FOXP2: variants seen among roughly 807,000 people sequenced by gnomAD.
FOXP2 encodes the protein forkhead box protein P2.
Under a neutral mutation model 115.8 loss-of-function variants are expected in FOXP2, and 12 were observed. The ratio of observed to expected loss-of-function variants is 0.10; its 90% CI spans 0.07 to 0.17. The LOEUF is 0.17. Ranked by LOEUF, FOXP2 falls within the 10% of genes least tolerant of loss-of-function variation. The pLI is 1.00. For missense variants in FOXP2, 629 were observed against 843.5 expected (o/e 0.75, Z 3.15); for synonymous variants, 328 against 297.7 (o/e 1.10, Z -1.05).
intron 1 of FOXP2, among the ~76,000 whole-genome samples, chr7:114,107,931 A>C (rs754847475): frequency 4.6e-5 from 7 of 151,946 alleles, no homozygotes; most frequent in Non-Finnish European, 8.8e-5. Context: ...AAAATTTTAA[A>C]GTCAATATAT....
intron 2 of FOXP2, among the ~76,000 whole-genome samples, chr7:114,296,215 AG>A (rs1272760580): frequency 6.6e-6 from 1 of 152,110 alleles, no homozygotes; most frequent in Non-Finnish European, 1.5e-5. Context: ...TCTCCAAGAG[AG>A]TAATATGAAT....
rs113445966 is a variant in FOXP2, at chr7:114,172,481, G to A, written c.-102+9393G>A. ...TCCATAGGCCTGTACAAAACAAAGAGTGAATCCTGGTATAAACTCTGGACT... is the reference window on the plus strand; with the variant it reads ...TCCATAGGCCTGTACAAAACAAAGAATGAATCCTGGTATAAACTCTGGACT... On this transcript the variant is annotated intron_variant, in intron 1 of 17. Coordinates refer to the FOXP2 transcript ENST00000634411. 9.6e-3 allele frequency among the ~76,000 whole-genome samples: 1,458 copies of A among 152,256 alleles called. 32 individuals carry two copies. Among genetic ancestry groups the A allele is most frequent in the African/African-American group, 0.033 (1,386 of 41,550 alleles).
chr7:114,562,347 T>G (rs1182090709), intron 3 of FOXP2, among the ~76,000 whole-genome samples: 1 of 152,164 alleles, frequency 6.6e-6, no homozygotes, highest in African/African-American at 2.4e-5. Context: ...TTACTCTGCC[T>G]CTCTCCCTGC....
chr7:114,365,835 C>G (rs935219449), intron 2 of FOXP2, among the ~76,000 whole-genome samples: 6 of 152,204 alleles, frequency 3.9e-5, no homozygotes, highest in Non-Finnish European at 8.8e-5. Context: ...AATTACATCT[C>G]TACCATCTAT....
intron 2 of FOXP2, among the ~76,000 whole-genome samples, chr7:114,477,809 T>A (rs1406064548): frequency 6.6e-6 from 1 of 151,934 alleles, no homozygotes; most frequent in Non-Finnish European, 1.5e-5. Flanking sequence ...TAATTTCAGA[T>A]AAATGTTTAT....
At chr7:114,555,952 C>G (rs80098799) in intron 3 of FOXP2, among the ~76,000 whole-genome samples, 1,667 of 152,256 alleles carry the variant, frequency 0.011, 28 homozygotes, top group African/African-American at 0.038. Context: ...TCTATACCTC[C>G]CTCATCTCTA....
chr7:114,277,736 G>C (rs1312862485), intron 1 of FOXP2, among the ~76,000 whole-genome samples: 1 of 151,884 alleles, frequency 6.6e-6, no homozygotes, highest in Non-Finnish European at 1.5e-5. Context: ...ACTGTATGTT[G>C]CTGAAGAAGT....
At chr7:114,180,061 G>T (rs1332402881) in intron 1 of FOXP2, among the ~76,000 whole-genome samples, 1 of 151,940 alleles carries the variant, frequency 6.6e-6, no homozygotes, top group Admixed American at 6.6e-5. Context: ...TACATAACAG[G>T]TATGTTGGTC....
chr7:114,272,824 C>G (rs1796099437), intron 1 of FOXP2, among the ~76,000 whole-genome samples: 1 of 151,656 alleles, frequency 6.6e-6, no homozygotes, highest in South Asian at 2.1e-4. Context: ...AATTTGTGTC[C>G]TTACTTTTTT....
At chr7:114,354,168 C>G (rs2694939) in intron 2 of FOXP2, among the ~76,000 whole-genome samples, 1 of 152,048 alleles carries the variant, frequency 6.6e-6, no homozygotes, top group Middle Eastern at 3.2e-3. Context: ...TCTCCTTCCC[C>G]GGGATATTGA....
At chr7:114,245,529 C>T (rs1371439504) in intron 1 of FOXP2, among the ~76,000 whole-genome samples, 1 of 152,116 alleles carries the variant, frequency 6.6e-6, no homozygotes, top group Admixed American at 6.6e-5. Flanking sequence ...TGTGCAATAT[C>T]CAACATTATG....
At chr7:114,564,932 G>C (rs1584901194) in intron 3 of FOXP2, among the ~76,000 whole-genome samples, 1 of 150,524 alleles carries the variant, frequency 6.6e-6, no homozygotes, top group African/African-American at 2.4e-5. Flanking sequence ...ACTCAAAATT[G>C]TGGTGGTTGT....
At chr7:114,098,360 A>G (rs1283342831) in intron 1 of FOXP2, among the ~76,000 whole-genome samples, 1 of 152,210 alleles carries the variant, frequency 6.6e-6, no homozygotes, top group African/African-American at 2.4e-5. Context: ...AAAACAGTAT[A>G]GTACTGGCCT....
chr7:114,536,612 A>T (rs577674137), intron 3 of FOXP2, among the ~76,000 whole-genome samples: 1 of 151,454 alleles, frequency 6.6e-6, no homozygotes, highest in Non-Finnish European at 1.5e-5. Flanking sequence ...TAAAAGAATG[A>T]TTAAAACTAT....
intron 1 of FOXP2, among the ~76,000 whole-genome samples, chr7:114,151,940 G>C (rs1171624132): frequency 6.6e-6 from 1 of 152,004 alleles, no homozygotes; most frequent in Non-Finnish European, 1.5e-5. Flanking sequence ...AATCTCAGTG[G>C]AAAAATGTAC....
intron 1 of FOXP2, among the ~76,000 whole-genome samples, chr7:114,190,803 A>G (rs1793738356): frequency 6.6e-6 from 1 of 152,166 alleles, no homozygotes; most frequent in Admixed American, 6.5e-5. Flanking sequence ...GGATTCACTT[A>G]TCAGAAAATG....
At chr7:114,600,675 T>C (rs10231706) in intron 3 of FOXP2, among the ~76,000 whole-genome samples, 21,419 of 152,212 alleles carry the variant, frequency 0.14, 1,902 homozygotes, top group African/African-American at 0.25. Flanking sequence ...TTGATGTTAG[T>C]GTTCTGGATT....
intron 1 of FOXP2, among the ~76,000 whole-genome samples, chr7:114,249,327 C>T (rs1281327259): frequency 2.6e-5 from 4 of 152,104 alleles, no homozygotes; most frequent in Non-Finnish European, 4.4e-5. Flanking sequence ...ATATTATGCC[C>T]AACATGCATT....
chr7:114,484,885 G>A (rs1793978153), intron 2 of FOXP2, among the ~76,000 whole-genome samples: 1 of 151,784 alleles, frequency 6.6e-6, no homozygotes, highest in Non-Finnish European at 1.5e-5. Context: ...TAATTGTACA[G>A]AATTTTCCAG....
Sources: gnomAD v4.1 joint callset for allele counts (sites outside exome capture counted in the v4.1 genomes callset) on GRCh38, gnomAD v4.1.1 for gene constraint, MANE v1.5 for transcripts, NCBI Gene and HGNC (gene_info 2026-07-23, HGNC 2026-07-21) for gene names.